The following CABLES1 variants were observed in gnomAD, a reference collection of about 807,000 sequenced individuals.
CABLES1 encodes CDK5 and ABL1 enzyme substrate 1.
CABLES1 carries 36 observed loss-of-function variants against 57.8 expected under a neutral mutation model. The ratio of observed to expected loss-of-function variants is 0.62; its 90% CI spans 0.48 to 0.82. CABLES1 has a LOEUF of 0.82. CABLES1 is among the 40% of genes least tolerant of loss of function. CABLES1 has a pLI of 0.00. For synonymous variants in CABLES1, 374 were observed against 363.0 expected (o/e 1.03, Z -0.35); for missense variants, 767 against 836.6 (o/e 0.92, Z 1.03).
chr18:23,138,899 C>G (rs540236259), intron 1 of CABLES1, among the ~76,000 whole-genome samples: 1 of 152,172 alleles, frequency 6.6e-6, no homozygotes, highest in Non-Finnish European at 1.5e-5. Flanking sequence ...GGCTTTGCAC[C>G]TTCAGCTTCA....
chr18:23,251,270 T>G (rs2048030217), intron 7 of CABLES1, among the ~76,000 whole-genome samples: 1 of 152,128 alleles, frequency 6.6e-6, no homozygotes, highest in Non-Finnish European at 1.5e-5. Context: ...CCAGCCAACA[T>G]GGCGAACCCC....
chr18:23,200,453 G>T lies in CABLES1; in HGVS notation c.1010+5913G>T, dbSNP rs142885491. Among the ~76,000 whole-genome samples, 1,228 of 152,166 alleles carry T rather than the reference G, an allele frequency of 8.1e-3. 16 individuals carry two copies. The highest frequency in any genetic ancestry group is 0.028 in the African/African-American group (1,167 of 41,500). ...TTTTTTATACTTTTTTAGTAGAGAC[G>T]GGGTTTCACCATGTTAGCCAGGAAG... On this transcript the variant is annotated intron_variant, in intron 3 of 9. Transcript: ENST00000256925.
intron 4 of CABLES1, among the ~76,000 whole-genome samples, chr18:23,215,199 G>A (rs1207922191): frequency 6.6e-6 from 1 of 152,164 alleles, no homozygotes; most frequent in East Asian, 1.9e-4. Flanking sequence ...AGCAAATCCT[G>A]CAGCTCGGAG....
chr18:23,164,692 T>C (rs1310865729), intron 1 of CABLES1, among the ~76,000 whole-genome samples: 1 of 152,252 alleles, frequency 6.6e-6, no homozygotes, highest in Admixed American at 6.5e-5. Flanking sequence ...TTTTTTAATT[T>C]TTAAAATTTT....
In CABLES1 at chr18:23,207,556, T is replaced by C. The variant is rs116591575; in HGVS notation, c.1011-6421T>C. 8.4e-3 allele frequency among the ~76,000 whole-genome samples: 1,277 copies of C among 152,256 alleles called. 10 individuals are homozygous for C. Among genetic ancestry groups the C allele is most frequent in the Middle Eastern group, 0.024 (7 of 294 alleles). On this transcript the variant is annotated intron_variant, in intron 3 of 9. Coordinates refer to ENST00000256925, the MANE Select transcript of CABLES1 (RefSeq NM_001100619.3). ...GCCCCCTAGTTCCCATCAGAGAACT[T>C]ACACCTCTGCATGGAGGTATCTCCC...
At chr18:23,143,144 G>A (rs1295441885) in intron 1 of CABLES1, among the ~76,000 whole-genome samples, 1 of 152,164 alleles carries the variant, frequency 6.6e-6, no homozygotes, top group Non-Finnish European at 1.5e-5. Context: ...CCGATCACTT[G>A]TGATTTCCTT....
intron 1 of CABLES1, among the ~76,000 whole-genome samples, chr18:23,185,268 TGGA>T (rs1351836888): frequency 6.6e-6 from 1 of 152,116 alleles, no homozygotes; most frequent in Non-Finnish European, 1.5e-5. Flanking sequence ...TGGTGGATGT[TGGA>T]GGAGTCTGTG....
At chr18:23,179,673 G>A (rs762542862) in intron 1 of CABLES1, among the ~76,000 whole-genome samples, 2 of 152,236 alleles carry the variant, frequency 1.3e-5, no homozygotes, top group Non-Finnish European at 2.9e-5. Flanking sequence ...ACAAGCAGCT[G>A]CTGCCAGGTG....
chr18:23,146,291 G>A (rs1441899848), intron 1 of CABLES1, among the ~76,000 whole-genome samples: 1 of 152,120 alleles, frequency 6.6e-6, no homozygotes, highest in Non-Finnish European at 1.5e-5. Context: ...TTGATGTGAT[G>A]TTGAATGGTA....
In CABLES1 at chr18:23,257,789, A is replaced by AGAT. The variant is rs1419363267; in HGVS notation, c.*423_*425dup. 1.3e-5 allele frequency: 2 copies of AGAT among 159,692 alleles called. No individual in the cohort carries two copies. The highest frequency in any genetic ancestry group is 4.8e-5 in the African/African-American group (2 of 41,680). The allele number at this position is 159,692 out of a possible 1,614,324, so 9.9% of individuals were successfully genotyped here. On this transcript the variant is annotated 3_prime_UTR_variant, in exon 10 of 10. Transcript: ENST00000256925. Reference sequence around the variant, plus strand: ...CAGAAGTTGGGGGAAAACTTTTAAAAGATACCCTCATTGTGTCAAAGAGTG... The same window carrying AGAT: ...CAGAAGTTGGGGGAAAACTTTTAAAAGATGATACCCTCATTGTGTCAAAGAGTG...
intron 3 of CABLES1, among the ~76,000 whole-genome samples, chr18:23,213,044 C>G (rs2047416034): frequency 6.6e-6 from 1 of 152,166 alleles, no homozygotes. Context: ...GCAGGAGACA[C>G]AGGGCCTGGT....
intron 2 of CABLES1, 25 bp from the exon 3 acceptor site, chr18:23,194,422 GT>G: frequency 6.7e-7 from 1 of 1,484,854 alleles, no homozygotes; most frequent in East Asian, 2.3e-5. Flanking sequence ...AACTGACTGT[GT>G]TTTTGAAATG....
chr18:23,182,033 G>T (rs535625232), intron 1 of CABLES1, among the ~76,000 whole-genome samples: 1 of 152,304 alleles, frequency 6.6e-6, no homozygotes, highest in East Asian at 1.9e-4. Context: ...AGCCAGGAAG[G>T]GGGGTACACC....
intron 4 of CABLES1, among the ~76,000 whole-genome samples, chr18:23,225,912 C>A (rs1164727125): frequency 6.6e-6 from 1 of 152,226 alleles, no homozygotes; most frequent in Non-Finnish European, 1.5e-5. Flanking sequence ...CTTTCCAGCC[C>A]CCATTGTGGG....
At chr18:23,172,330 T>G (rs922199518) in intron 1 of CABLES1, among the ~76,000 whole-genome samples, 15 of 152,178 alleles carry the variant, frequency 9.9e-5, no homozygotes, top group Admixed American at 9.8e-4. Context: ...TCACAGTGGA[T>G]TCTAATCTTT....
chr18:23,237,885 C>T (rs941350554), intron 7 of CABLES1, among the ~76,000 whole-genome samples: 4 of 151,068 alleles, frequency 2.6e-5, no homozygotes, highest in Non-Finnish European at 4.4e-5. Flanking sequence ...TTCTCTGGGC[C>T]GACTTGCCCT....
At chr18:23,153,798 A>AG (rs2144964913) in intron 1 of CABLES1, among the ~76,000 whole-genome samples, 1 of 152,282 alleles carries the variant, frequency 6.6e-6, no homozygotes, top group South Asian at 2.1e-4. Flanking sequence ...TGAGAGGCTG[A>AG]GGCGGGCAGA....
chr18:23,160,389 A>G (rs1317380630), intron 1 of CABLES1, among the ~76,000 whole-genome samples: 3 of 152,190 alleles, frequency 2.0e-5, no homozygotes, highest in Non-Finnish European at 4.4e-5. Context: ...TGAATTTAGC[A>G]ATGGAAAACA....
At chr18:23,137,803 C>A (rs748285645) in intron 1 of CABLES1, among the ~76,000 whole-genome samples, 3 of 152,194 alleles carry the variant, frequency 2.0e-5, no homozygotes, top group African/African-American at 7.2e-5. Context: ...AGTTATGTAG[C>A]CTCGCTGTTT....
Sources: allele counts gnomAD v4.1 joint callset (sites outside exome capture counted in the v4.1 genomes callset), GRCh38; gene constraint gnomAD v4.1.1; transcripts MANE v1.5; gene names NCBI Gene and HGNC (gene_info 2026-07-23, HGNC 2026-07-21).